The following SUPT3H variants were observed in gnomAD, a reference collection of about 807,000 sequenced individuals.
SUPT3H encodes transcription initiation protein SPT3 homolog.
A neutral mutation model predicts 44.3 loss-of-function variants in SUPT3H; 44 were observed. That is an observed-to-expected ratio of 0.99 (90% CI 0.78 to 1.28). The LOEUF is 1.28. SUPT3H is among the 50% of genes most tolerant of loss of function. SUPT3H has a pLI of 0.00. For missense variants in SUPT3H, 380 were observed against 387.1 expected (o/e 0.98, Z 0.15); for synonymous variants, 124 against 125.6 (o/e 0.99, Z 0.09).
rs572959205 is a variant in SUPT3H, at chr6:45,090,890, C to T, written c.186+15032G>A. On this transcript the variant is annotated intron_variant, in intron 3 of 10. Transcript: ENST00000371459. Reference sequence around the variant, plus strand: ...CTTGTATTATCATCAAATCTTACATCGAGTCTAGTGATCTTCTTAATAAAA... The same window carrying T: ...CTTGTATTATCATCAAATCTTACATTGAGTCTAGTGATCTTCTTAATAAAA... Among the ~76,000 whole-genome samples the T allele has an allele frequency of 5.9e-5, 9 of 151,780 alleles. No individual in the cohort carries two copies. In the South Asian group the frequency reaches 1.9e-3, roughly 32 times the overall value.
chr6:45,274,001 G>A (rs1776626884), intron 2 of SUPT3H, among the ~76,000 whole-genome samples: 1 of 152,184 alleles, frequency 6.6e-6, no homozygotes, highest in Non-Finnish European at 1.5e-5. Flanking sequence ...AGCTATCCTA[G>A]TGGGTGTGAA....
At chr6:45,019,538 T>C (rs532346177) in intron 4 of SUPT3H, among the ~76,000 whole-genome samples, 1 of 152,114 alleles carries the variant, frequency 6.6e-6, no homozygotes, top group South Asian at 2.1e-4. Context: ...GATAATCCTT[T>C]GTAGCTTGTT....
At chr6:45,174,494 G>A (rs890455768) in intron 2 of SUPT3H, among the ~76,000 whole-genome samples, 13 of 152,070 alleles carry the variant, frequency 8.5e-5, no homozygotes, top group Non-Finnish European at 4.4e-5. Context: ...CATGCGGCAG[G>A]TTAAGAATCA....
At chr6:44,954,220 G>A (rs1774764713) in intron 8 of SUPT3H, among the ~76,000 whole-genome samples, 1 of 152,194 alleles carries the variant, frequency 6.6e-6, no homozygotes, top group African/African-American at 2.4e-5. Context: ...CAAGGCAGAT[G>A]TGGATTTGAG....
intron 2 of SUPT3H, among the ~76,000 whole-genome samples, chr6:45,232,558 G>A (rs1312620500): frequency 6.6e-6 from 1 of 152,166 alleles, no homozygotes; most frequent in Non-Finnish European, 1.5e-5. Context: ...CTCAAATACT[G>A]GTAGTGGAAT....
At chr6:45,163,799 T>TAAA (rs35049516) in intron 2 of SUPT3H, among the ~76,000 whole-genome samples, 28 of 138,034 alleles carry the variant, frequency 2.0e-4, no homozygotes, top group African/African-American at 6.9e-4. Flanking sequence ...GTCACTTTTA[T>TAAA]AAAAAAAAAA....
chr6:45,239,479 C>T (rs1769872448), intron 2 of SUPT3H, among the ~76,000 whole-genome samples: 1 of 152,214 alleles, frequency 6.6e-6, no homozygotes, highest in Non-Finnish European at 1.5e-5. Context: ...CCAAATGGTG[C>T]ATTCCTCATC....
At chr6:44,921,477 A>T (rs762305928) in intron 10 of SUPT3H, among the ~76,000 whole-genome samples, 50 of 152,320 alleles carry the variant, frequency 3.3e-4, no homozygotes, top group Non-Finnish European at 4.9e-4. Context: ...AATTAAGGCA[A>T]AGTTAGGTCA....
chr6:44,988,177 C>T (rs1780081304), intron 6 of SUPT3H, among the ~76,000 whole-genome samples: 1 of 150,882 alleles, frequency 6.6e-6, no homozygotes, highest in African/African-American at 2.4e-5. Flanking sequence ...GGTCTGTGGT[C>T]AAAAAAAATT....
chr6:45,143,794 C>T (rs942843347), intron 2 of SUPT3H, among the ~76,000 whole-genome samples: 1 of 151,804 alleles, frequency 6.6e-6, no homozygotes, highest in African/African-American at 2.4e-5. Flanking sequence ...ATAGATACAC[C>T]AGTAAAAGAT....
intron 3 of SUPT3H, among the ~76,000 whole-genome samples, chr6:45,035,602 G>T (rs1049478547): frequency 2.0e-5 from 3 of 152,066 alleles, no homozygotes; most frequent in African/African-American, 7.2e-5. Flanking sequence ...TTTATATCAT[G>T]TATTTTAAAA....
At chr6:45,143,856 T>C (rs781108478) in intron 2 of SUPT3H, among the ~76,000 whole-genome samples, 43 of 152,018 alleles carry the variant, frequency 2.8e-4, no homozygotes, top group African/African-American at 9.4e-4. Context: ...AGAAACAAAA[T>C]GGGTGATATT....
chr6:44,900,206 A>G lies in SUPT3H; in HGVS notation c.912+32447T>C, dbSNP rs1764751855. Among the ~76,000 whole-genome samples the G allele has an allele frequency of 1.3e-5, 2 of 152,202 alleles. 1 individual carries two copies. Among genetic ancestry groups the G allele is most frequent in the Admixed American group, 1.3e-4 (2 of 15,288 alleles). ...CAGTGGGTGCAGCGCACCGAGCGTGAGCTGAAGTAGGGCAAGGCATTGCCT... is the reference window on the plus strand; with the variant it reads ...CAGTGGGTGCAGCGCACCGAGCGTGGGCTGAAGTAGGGCAAGGCATTGCCT... On this transcript the variant is annotated intron_variant, in intron 10 of 10. Transcript: ENST00000371459.
At chr6:44,985,290 A>AG (rs1462581021) in intron 6 of SUPT3H, among the ~76,000 whole-genome samples, 1 of 152,002 alleles carries the variant, frequency 6.6e-6, no homozygotes, top group Non-Finnish European at 1.5e-5. Context: ...CCAGCTACTT[A>AG]GGAGTCTGAG....
At chr6:45,112,212 A>G (rs746869807) in intron 2 of SUPT3H, among the ~76,000 whole-genome samples, 2 of 152,220 alleles carry the variant, frequency 1.3e-5, no homozygotes, top group Non-Finnish European at 2.9e-5. Flanking sequence ...CAACACTGTT[A>G]TGAGAAAATC....
intron 10 of SUPT3H, among the ~76,000 whole-genome samples, chr6:44,900,694 T>C (rs951612324): frequency 6.6e-6 from 1 of 152,106 alleles, no homozygotes; most frequent in African/African-American, 2.4e-5. Flanking sequence ...CAGCATGCAG[T>C]TAGAGATCTG....
chr6:45,035,516 C>T (rs555072921), intron 3 of SUPT3H, among the ~76,000 whole-genome samples: 9 of 152,164 alleles, frequency 5.9e-5, no homozygotes, highest in African/African-American at 1.4e-4. Flanking sequence ...AGCTTAGTTG[C>T]GAATTGTTAC....
At chr6:44,937,705 G>C (rs1382420919) in intron 9 of SUPT3H, among the ~76,000 whole-genome samples, 1 of 152,000 alleles carries the variant, frequency 6.6e-6, no homozygotes, top group Non-Finnish European at 1.5e-5. Flanking sequence ...TTATATGCCT[G>C]TTGGCCATCG....
chr6:45,226,100 C>T (rs1766889507), intron 2 of SUPT3H, among the ~76,000 whole-genome samples: 1 of 152,060 alleles, frequency 6.6e-6, no homozygotes, highest in African/African-American at 2.4e-5. Context: ...AGTAGTGTGC[C>T]CTTTACATTT....
Sources: allele counts gnomAD v4.1 joint callset (sites outside exome capture counted in the v4.1 genomes callset), GRCh38; gene constraint gnomAD v4.1.1; transcripts MANE v1.5; gene names NCBI Gene and HGNC (gene_info 2026-07-23, HGNC 2026-07-21).